GFI1: variants seen among roughly 807,000 people sequenced by gnomAD.
GFI1 encodes the protein zinc finger protein Gfi-1.
Under a neutral mutation model 39.2 loss-of-function variants are expected in GFI1, and 15 were observed. The ratio of observed to expected loss-of-function variants is 0.38; its 90% CI spans 0.26 to 0.59. GFI1 has a LOEUF of 0.59. GFI1 is among the 20% of genes least tolerant of loss of function. The pLI is 0.62. For missense variants in GFI1, 475 were observed against 574.0 expected, an observed-to-expected ratio of 0.83 and a Z score of 1.76; for synonymous variants, 239 against 254.3, an observed-to-expected ratio of 0.94 and a Z score of 0.57.
Position 92,480,896 on chromosome 1 carries a change from G to T in GFI1, c.491C>A (p.Pro164Gln). ...FCEPAPEPGH[P>Q]AALYGPKRAA... ...CCGCTTCGGGCCGTACAGCGCGGCC[G>T]GGTGGCCAGGCTCCGGGGCGGGTTC... Residue 164 changes from proline (P) to glutamine (Q), a missense_variant, in exon 4 of 7, where the codon CCG becomes CAG. This residue lies in a region of GFI1 where 275 missense variants were observed against 275.8 expected (regional missense o/e 1.00). Coordinates refer to ENST00000294702, the MANE Select transcript of GFI1 (RefSeq NM_005263.5). This position sits in a 1 kb window ranked among gnomAD's most constrained non-coding sequence, Gnocchi z 5.6. 1 of 1,543,338 alleles carries T rather than the reference G, an allele frequency of 6.5e-7. No homozygotes were observed. Among genetic ancestry groups the T allele is most frequent in the South Asian group, 1.2e-5 (1 of 83,618 alleles).
chr1:92,479,336 T>G (rs1257723605), intron 5 of GFI1, among the ~76,000 whole-genome samples: 4 of 152,086 alleles, frequency 2.6e-5, no homozygotes, highest in Non-Finnish European at 5.9e-5. Context: ...CCCCAGCCAG[T>G]GTGGGTGCTG....
At chr1:92,485,012 C>A (rs926983525) in intron 1 of GFI1, among the ~76,000 whole-genome samples, 1 of 152,212 alleles carries the variant, frequency 6.6e-6, no homozygotes, top group Non-Finnish European at 1.5e-5. Flanking sequence ...GCGCTCTCAG[C>A]TCAAACGAGT....
Position 92,475,329 on chromosome 1 carries a change from C to T in GFI1, c.*700G>A, listed in dbSNP as rs1030414648. 6.5e-6 allele frequency: 1 copy of T among 153,064 alleles called. No homozygotes were observed. The highest frequency in any genetic ancestry group is 6.5e-5 in the Admixed American group (1 of 15,422). The allele number at this position is 153,064 out of a possible 1,614,324, so 9.5% of individuals were successfully genotyped here. A position where few individuals can be genotyped will look rare whatever the true frequency, so the allele number is the denominator to read the frequency against. The stretch of plus-strand genomic sequence containing the variant: ...CAGTGATGAGGTTTTCACAGCCCTA[C>T]TGAAGGGAGGACCTCTAATCCCCTC... On this transcript the variant is annotated 3_prime_UTR_variant, in exon 7 of 7. Transcript: ENST00000294702.
At position 92,475,655 on chromosome 1, in the gene GFI1, G is replaced by T. The variant is rs1016725727; in HGVS notation, c.*374C>A. The T allele has an allele frequency of 3.3e-6, 1 of 301,510 alleles. No individual in the cohort carries two copies. Among genetic ancestry groups the T allele is most frequent in the African/African-American group, 2.1e-5 (1 of 46,598 alleles). 18.7% of individuals were successfully genotyped at this position (301,510 alleles called of 1,614,324 possible). A position where few individuals can be genotyped will look rare whatever the true frequency, so the allele number is the denominator to read the frequency against. On this transcript the variant is annotated 3_prime_UTR_variant, in exon 7 of 7. Transcript: ENST00000294702. ...ATATCTGGGGTAGGTCAAGAGGGGGGAGGGAAGAAACCTGAAGGGCATTCC... is the reference window on the plus strand; with the variant it reads ...ATATCTGGGGTAGGTCAAGAGGGGGTAGGGAAGAAACCTGAAGGGCATTCC...
Position 92,482,866 on chromosome 1 carries a change from G to A in GFI1, c.296C>T (p.Pro99Leu). The A allele has an allele frequency of 6.2e-7, 1 of 1,613,556 alleles. No homozygotes were observed. Among genetic ancestry groups the A allele is most frequent in the Non-Finnish European group, 8.5e-7 (1 of 1,179,518 alleles). ...FWRPPSPSASPASEKSMCPSL... is the reference protein window; with the variant it reads ...FWRPPSPSASLASEKSMCPSL... ...AGAGGTTCCCAGTGGGTTCCTACCT[G>A]GAGACGCGGAGGGTGACGGGGGCCT... Residue 99 changes from proline to leucine, a missense_variant and splice_region_variant, in exon 3 of 7, where the codon CCA becomes CTA. Coordinates refer to ENST00000294702, the MANE Select transcript of GFI1 (RefSeq NM_005263.5). The surrounding 1 kb of genome is among the most constrained non-coding windows in gnomAD (Gnocchi z 4.4).
Position 92,475,743 on chromosome 1 carries a change from A to G in GFI1, c.*286T>C, listed in dbSNP as rs955662035. 6 of 469,796 alleles carry G rather than the reference A, an allele frequency of 1.3e-5. No homozygotes were observed. The highest frequency in any genetic ancestry group is 9.8e-5 in the African/African-American group (5 of 50,820). The allele number at this position is 469,796 out of a possible 1,614,324, so 29.1% of individuals were successfully genotyped here. On this transcript the variant is annotated 3_prime_UTR_variant, in exon 7 of 7. Transcript: ENST00000294702. ...GGGTCTAAGATTTATTCTGGTCCCC[A>G]TTTGACTTTGCCTTTGTCTTCAGGT...
rs1658342882 is a variant in GFI1 at position 92,482,958 on chromosome 1, G to A, written c.204C>T (p.Ala68=). 3.7e-6 allele frequency: 6 copies of A among 1,613,626 alleles called. No individual in the cohort carries two copies. The highest frequency in any genetic ancestry group is 1.3e-5 in the African/African-American group (1 of 74,954). Residue 68 remains alanine (A), a synonymous_variant, in exon 3 of 7, where the codon GCC becomes GCT. Coordinates refer to ENST00000294702, the MANE Select transcript of GFI1 (RefSeq NM_005263.5). The surrounding 1 kb of genome is among the most constrained non-coding windows in gnomAD (Gnocchi z 4.4). ...CTTCGCAGCTGTCTGGGGATGCGGAGGCTCTGTCTGGGGCTTCGGTCAGCT... is the reference window on the plus strand; with the variant it reads ...CTTCGCAGCTGTCTGGGGATGCGGAAGCTCTGTCTGGGGCTTCGGTCAGCT... ...ESQLTEAPDR[A]SASPDSCEGS...
chr1:92,483,672 G>C, intron 1 of GFI1, 86 bp from the exon 2 acceptor site: 1 of 648,534 alleles, frequency 1.5e-6, no homozygotes, highest in Non-Finnish European at 2.8e-6. Context: ...GGAGAGCGCG[G>C]GCCAGGGAGG....
Position 92,482,932 on chromosome 1 carries a change from C to G in GFI1, c.230G>C (p.Gly77Ala). 6.2e-7 allele frequency: 1 copy of G among 1,614,004 alleles called. No individual in the cohort carries two copies. Among genetic ancestry groups the G allele is most frequent in the Non-Finnish European group, 8.5e-7 (1 of 1,179,964 alleles). ...RASASPDSCE[G>A]SVCERSSEFE... ...CTCCGAGCTCCGTTCGCAGACGCTG[C>G]CTTCGCAGCTGTCTGGGGATGCGGA... is the stretch of plus-strand genomic sequence containing the variant. Residue 77 changes from glycine to alanine, a missense_variant, in exon 3 of 7, where the codon GGC (glycine) becomes GCC (alanine). Coordinates refer to ENST00000294702, the MANE Select transcript of GFI1 (RefSeq NM_005263.5). The surrounding 1 kb of genome is among the most constrained non-coding windows in gnomAD (Gnocchi z 4.4).
At chr1:92,479,068 G>A (rs1424851996) in intron 5 of GFI1, among the ~76,000 whole-genome samples, 1 of 152,188 alleles carries the variant, frequency 6.6e-6, no homozygotes, top group East Asian at 1.9e-4. Flanking sequence ...GTTTCACCAT[G>A]TTGGTCAGGC....
At position 92,475,029 on chromosome 1, in the gene GFI1, C is replaced by T. The variant is rs1657890281; in HGVS notation, c.*1000G>A. 1.3e-5 allele frequency: 2 copies of T among 152,188 alleles called. No homozygotes were observed. Among genetic ancestry groups the T allele is most frequent in the Non-Finnish European group, 2.9e-5 (2 of 68,028 alleles). 9.4% of individuals were successfully genotyped at this position (152,188 alleles called of 1,614,324 possible). On this transcript the variant is annotated 3_prime_UTR_variant, in exon 7 of 7. Coordinates refer to ENST00000294702, the MANE Select transcript of GFI1 (RefSeq NM_005263.5). The stretch of plus-strand genomic sequence containing the variant: ...ACATATCTTTGAAGTAACTGTTCAG[C>T]TTTTTGTTTACACCTGATAAAATCC...
At position 92,480,850 on chromosome 1, in the gene GFI1, G is replaced by A. The variant is rs749038445; in HGVS notation, c.537C>T (p.Ala179=). 1.4e-6 allele frequency: 2 copies of A among 1,471,568 alleles called. No homozygotes were observed. The highest frequency in any genetic ancestry group is 1.4e-5 in the South Asian group (1 of 72,900). 91.2% of individuals were successfully genotyped at this position (1,471,568 alleles called of 1,614,324 possible). Residue 179 remains alanine, a synonymous_variant, in exon 4 of 7, where the codon GCC becomes GCT. Coordinates refer to ENST00000294702, the MANE Select transcript of GFI1 (RefSeq NM_005263.5). This position sits in a 1 kb window ranked among gnomAD's most constrained non-coding sequence, Gnocchi z 5.6. ...GPKRAAGGAG[A]GAPGSCSAGA... ...CTGCGCTGCAGCTCCCTGGCGCCCC[G>A]GCCCCCGCGCCGCCGGCAGCCCGCT...
Position 92,481,698 on chromosome 1 carries a change from A to C in GFI1, c.299-610T>G, listed in dbSNP as rs1658263267. ...GTTAAGTGCCCAGTGTACGTAGCAA[A>C]GGAGCAGCAGGAAAGGGGCTTTTGG... On this transcript the variant is annotated intron_variant, in intron 3 of 6. Transcript: ENST00000294702. The surrounding 1 kb of genome is among the most constrained non-coding windows in gnomAD (Gnocchi z 4.3). Among the ~76,000 whole-genome samples, 2 of 152,186 alleles carry C rather than the reference A, an allele frequency of 1.3e-5. No homozygotes were observed. The highest frequency in any genetic ancestry group is 4.8e-5 in the African/African-American group (2 of 41,434).
Position 92,474,445 on chromosome 1 carries a change from A to T in GFI1, c.*1584T>A, listed in dbSNP as rs745851191. Among the ~76,000 whole-genome samples, 4 of 152,180 alleles carry T rather than the reference A, an allele frequency of 2.6e-5. No individual in the cohort carries two copies. Among genetic ancestry groups the T allele is most frequent in the Non-Finnish European group, 4.4e-5 (3 of 68,048 alleles). On this transcript the variant is annotated 3_prime_UTR_variant, in exon 7 of 7. Coordinates refer to ENST00000294702, the MANE Select transcript of GFI1 (RefSeq NM_005263.5). ...CTGGGAGCCTTCAGGCCCCTAAAAA[A>T]ATATGTTGACATTTTCAGAGGAAAG...
At position 92,481,882 on chromosome 1, in the gene GFI1, A is replaced by T. The variant is rs1042084581; in HGVS notation, c.299-794T>A. ...GCCTGCTACGCCCCCACCCACGTGAATTTTGCTAAAACTAGTGACCCCAAC... is the reference window on the plus strand; with the variant it reads ...GCCTGCTACGCCCCCACCCACGTGATTTTTGCTAAAACTAGTGACCCCAAC... On this transcript the variant is annotated intron_variant, in intron 3 of 6. Transcript: ENST00000294702. The surrounding 1 kb of genome is among the most constrained non-coding windows in gnomAD (Gnocchi z 4.3). Among the ~76,000 whole-genome samples, 2 of 149,736 alleles carry T rather than the reference A, an allele frequency of 1.3e-5. No individual in the cohort carries two copies. The highest frequency in any genetic ancestry group is 4.9e-5 in the African/African-American group (2 of 40,824).
rs747582787 is a variant in GFI1 at position 92,480,718 on chromosome 1, G to A, written c.669C>T (p.Pro223=). The change falls in exon 4 of 7, where the codon CCC becomes CCT. Residue 223 remains proline, a synonymous_variant. Transcript: ENST00000294702. The surrounding 1 kb of genome is among the most constrained non-coding windows in gnomAD (Gnocchi z 5.6). ...RPTAAAGLLY[P]ERGHGLHADK... is the part of the protein sequence containing the mutation. ...CTGCGTGCAGCCCGTGGCCACGCTC[G>A]GGGTACAGCAAGCCCGCCGCTGCCG... is the stretch of plus-strand genomic sequence containing the variant. 1.3e-6 allele frequency: 2 copies of A among 1,596,476 alleles called. No homozygotes were observed. Among genetic ancestry groups the A allele is most frequent in the Non-Finnish European group, 1.7e-6 (2 of 1,177,748 alleles).
intron 6 of GFI1, among the ~76,000 whole-genome samples, chr1:92,478,058 C>A (rs930696288): frequency 6.6e-6 from 1 of 152,108 alleles, no homozygotes; most frequent in Non-Finnish European, 1.5e-5. Flanking sequence ...TTGTTGTGAG[C>A]ATAAAATGAA....
chr1:92,474,551 TATGAAAGAAG>T lies in GFI1; in HGVS notation c.*1468_*1477del, dbSNP rs1179168525. ...TTTGTACACCTCCTAGTTTTTCTCTTATGAAAGAAGATGAAAGAAGTATCTCTGAGGTGTA... is the reference window on the plus strand; with the variant it reads ...TTTGTACACCTCCTAGTTTTTCTCTTATGAAAGAAGTATCTCTGAGGTGTA... On this transcript the variant is annotated 3_prime_UTR_variant, in exon 7 of 7. Transcript: ENST00000294702. Among the ~76,000 whole-genome samples the T allele has an allele frequency of 2.0e-5, 3 of 152,204 alleles. No homozygotes were observed. The highest frequency in any genetic ancestry group is 4.8e-5 in the African/African-American group (2 of 41,446).
chr1:92,477,687 T>A (rs1307219034), intron 6 of GFI1, among the ~76,000 whole-genome samples: 1 of 152,248 alleles, frequency 6.6e-6, no homozygotes, highest in East Asian at 1.9e-4. Flanking sequence ...AGTTTCAGGA[T>A]GGTAAGAGCA....
Sources: gnomAD v4.1 joint callset for allele counts (sites outside exome capture counted in the v4.1 genomes callset) on GRCh38, gnomAD v4.1.1 for gene constraint, gnomAD v4.1.1 regional missense constraint, Gnocchi (gnomAD v3.1) non-coding constraint, MANE v1.5 for transcripts, NCBI Gene and HGNC (gene_info 2026-07-23, HGNC 2026-07-21) for gene names.